Variants in OSGEP observed in about 807,000 individuals in gnomAD.
OSGEP encodes O-sialoglycoprotein endopeptidase, also known as tRNA N6-adenosine threonylcarbamoyltransferase.
In OSGEP, 39 loss-of-function variants were observed where a neutral mutation model predicts 44.1. That is an observed-to-expected ratio of 0.88 (90% CI 0.69 to 1.16). OSGEP has a LOEUF of 1.16. OSGEP is among the 50% of genes most tolerant of loss of function. The pLI is 0.00. For missense variants in OSGEP, 403 were observed against 443.1 expected, an observed-to-expected ratio of 0.91 and a Z score of 0.81; for synonymous variants, 139 against 161.9, an observed-to-expected ratio of 0.86 and a Z score of 1.07.
intron 1 of OSGEP, among the ~76,000 whole-genome samples, chr14:20,453,488 T>C (rs1881162474): frequency 6.6e-6 from 1 of 152,050 alleles, no homozygotes; most frequent in Non-Finnish European, 1.5e-5. Flanking sequence ...TGCCTCAGCC[T>C]CCCAAGTAGC....
At chr14:20,448,709 C>T (rs751966211) in intron 6 of OSGEP, 24 bp downstream of exon 6, 119 of 1,538,974 alleles carry the variant, frequency 7.7e-5, no homozygotes, top group Non-Finnish European at 9.6e-5. Flanking sequence ...TGAAAGTGCC[C>T]GTCTCATCAC....
intron 3 of OSGEP, 169 bp downstream of exon 3, chr14:20,451,805 C>T (rs769332222): frequency 2.3e-5 from 12 of 513,982 alleles, no homozygotes; most frequent in Admixed American, 3.8e-5. Flanking sequence ...ATCATGCTGC[C>T]AAAATTTGCA....
chr14:20,452,708 C>CT lies in OSGEP; in HGVS notation c.116-261dup, dbSNP rs59935464. Among the ~76,000 whole-genome samples the CT allele has an allele frequency of 1.1e-3, 149 of 135,318 alleles. 1 individual carries two copies. Among genetic ancestry groups the CT allele is most frequent in the Admixed American group, 1.7e-3 (24 of 13,732 alleles). The allele number at this position is 135,318 out of a possible 152,430, so 88.8% of individuals were successfully genotyped here. A position where few individuals can be genotyped will look rare whatever the true frequency, so the allele number is the denominator to read the frequency against. ...TATCTACCTCATACCCTTTCGTGAT[C>CT]TTTTTTTTTTTTTTTTCTTTTGAGA... On this transcript the variant is annotated intron_variant, in intron 1 of 10. Transcript: ENST00000206542.
intron 6 of OSGEP, 32 bp downstream of exon 6, chr14:20,448,701 A>G (rs771018147): frequency 1.4e-6 from 2 of 1,474,988 alleles, no homozygotes; most frequent in Non-Finnish European, 1.9e-6. Context: ...AAAAAGCATG[A>G]AAGTGCCCGT....
At chr14:20,451,331 A>G in intron 3 of OSGEP, 1 of 296,868 alleles carries the variant, frequency 3.4e-6, no homozygotes, top group Non-Finnish European at 6.5e-6. Context: ...TTTGAGACGG[A>G]GTTTTGCTCT....
Position 20,447,467 on chromosome 14 carries a change from C to G in OSGEP, c.923G>C (p.Arg308Pro). 1.2e-6 allele frequency: 2 copies of G among 1,614,090 alleles called. No homozygotes were observed. The highest frequency in any genetic ancestry group is 1.1e-5 in the South Asian group (1 of 91,086). ...ACTGAGTGGGGTCCTGTGTCCAGCCCGAAACATCTCCCAGCCAGCCTGGGC... is the reference window on the plus strand; with the variant it reads ...ACTGAGTGGGGTCCTGTGTCCAGCCGGAAACATCTCCCAGCCAGCCTGGGC... ...MIAQAGWEMFRAGHRTPLSDS... is the reference protein window; with the variant it reads ...MIAQAGWEMFPAGHRTPLSDS... Residue 308 changes from arginine (R) to proline (P), a missense_variant, in exon 10 of 11, where the codon CGG (arginine) becomes CCG (proline). Physicochemically the swap from Arg to Pro is moderately radical, Grantham distance 103. Coordinates refer to ENST00000206542, the MANE Select transcript of OSGEP (RefSeq NM_017807.4).
At position 20,447,508 on chromosome 14, in the gene OSGEP, G is replaced by A. The variant is rs1232449023; in HGVS notation, c.882C>T (p.Asp294=). The change falls in exon 10 of 11, where the codon GAC becomes GAT. Residue 294 remains aspartate (D), a synonymous_variant. Transcript: ENST00000206542. ...CAGCCTGGGCTATCATCGCTCCATT[G>A]TCAATACAGAATCTGGGATGCAAGA... ...LFATDERFCI[D]NGAMIAQAGW... The A allele has an allele frequency of 6.2e-7, 1 of 1,613,916 alleles. No individual in the cohort carries two copies. The highest frequency in any genetic ancestry group is 1.3e-5 in the African/African-American group (1 of 74,906).
intron 3 of OSGEP, 125 bp downstream of exon 3, chr14:20,451,849 A>T: frequency 2.3e-6 from 2 of 866,070 alleles, no homozygotes; most frequent in Non-Finnish European, 1.7e-6. Flanking sequence ...TTTCTGGTCT[A>T]CAGTATTTTA....
chr14:20,447,320 T>C, intron 10 of OSGEP, 41 bp from the exon 11 acceptor site: 3 of 1,612,808 alleles, frequency 1.9e-6, no homozygotes, highest in Non-Finnish European at 2.5e-6. Flanking sequence ...AGCGAGCCCT[T>C]AACATCCTTC....
At chr14:20,452,570 T>G in intron 1 of OSGEP, 122 bp from the exon 2 acceptor site, 1 of 856,012 alleles carries the variant, frequency 1.2e-6, no homozygotes, top group Admixed American at 2.4e-5. Context: ...TCCCCAAGCA[T>G]CCTATCTTCC....
At position 20,446,906 on chromosome 14, in the gene OSGEP, G is replaced by A. The variant is rs1313530048; in HGVS notation, c.*334C>T. On this transcript the variant is annotated 3_prime_UTR_variant, in exon 11 of 11. Coordinates refer to ENST00000206542, the MANE Select transcript of OSGEP (RefSeq NM_017807.4). ...TGGTAAGACTGCTTGAGCCCAGTTCGAGACCAGCCTGGGAAACACAGCAAG... is the reference window on the plus strand; with the variant it reads ...TGGTAAGACTGCTTGAGCCCAGTTCAAGACCAGCCTGGGAAACACAGCAAG... The A allele has an allele frequency of 9.8e-6, 3 of 304,908 alleles. No homozygotes were observed. Among genetic ancestry groups the A allele is most frequent in the African/African-American group, 2.2e-5 (1 of 45,874 alleles). 18.9% of individuals were successfully genotyped at this position (304,908 alleles called of 1,614,324 possible).
At chr14:20,448,431 C>T (rs1881014976) in intron 6 of OSGEP, among the ~76,000 whole-genome samples, 1 of 152,204 alleles carries the variant, frequency 6.6e-6, no homozygotes, top group South Asian at 2.1e-4. Flanking sequence ...CTGTACTCAT[C>T]ATCATCTGGC....
intron 6 of OSGEP, among the ~76,000 whole-genome samples, chr14:20,448,394 C>A (rs1257919815): frequency 6.6e-6 from 1 of 152,180 alleles, no homozygotes; most frequent in African/African-American, 2.4e-5. Context: ...ATCTCTCACC[C>A]CTTACTTATC....
intron 3 of OSGEP, chr14:20,451,361 C>T: frequency 7.3e-6 from 2 of 274,886 alleles, no homozygotes; most frequent in South Asian, 3.1e-5. Flanking sequence ...GGCTGGAATG[C>T]AATGGTGCGA....
Position 20,447,705 on chromosome 14 carries a change from G to A in OSGEP, c.794-15C>T. 6.2e-7 allele frequency: 1 copy of A among 1,604,600 alleles called. No homozygotes were observed. Among genetic ancestry groups the A allele is most frequent in the African/African-American group, 1.3e-5 (1 of 74,810 alleles). On this transcript the variant is annotated splice_polypyrimidine_tract_variant and intron_variant, in intron 8 of 10. Transcript: ENST00000206542. ...CCTCACATTACCTACAAAGAGGCAGGGAACAGGATTAGCTTAGTTTTAGCC... is the reference window on the plus strand; with the variant it reads ...CCTCACATTACCTACAAAGAGGCAGAGAACAGGATTAGCTTAGTTTTAGCC...
intron 4 of OSGEP, 32 bp downstream of exon 4, chr14:20,449,139 A>C: frequency 6.4e-7 from 1 of 1,559,800 alleles, no homozygotes; most frequent in Non-Finnish European, 8.8e-7. Context: ...ATTCACCCAC[A>C]TTTTATGTTC....
intron 3 of OSGEP, 70 bp from the exon 4 acceptor site, chr14:20,449,336 C>G: frequency 1.1e-6 from 1 of 932,130 alleles, no homozygotes; most frequent in Non-Finnish European, 1.8e-6. Flanking sequence ...GGGAGAAAAA[C>G]ATAGCAGAGG....
chr14:20,447,899 C>T lies in OSGEP; in HGVS notation c.793+5G>A, dbSNP rs1487883137. ...GAAAGAGGAACACTTTTCAATAATA[C>T]ATACACCCCACTCCTCCCACAATGA... On this transcript the variant is annotated splice_donor_5th_base_variant and intron_variant, in intron 8 of 10. Coordinates refer to ENST00000206542, the MANE Select transcript of OSGEP (RefSeq NM_017807.4). 1.3e-6 allele frequency: 2 copies of T among 1,590,826 alleles called. No homozygotes were observed. Among genetic ancestry groups the T allele is most frequent in the Non-Finnish European group, 1.7e-6 (2 of 1,158,626 alleles).
chr14:20,447,236 C>T lies in OSGEP; in HGVS notation c.*4G>A, dbSNP rs771725275. ...AACTATCTACTCTGATTCTGTTGATCTTATTAGTCCCTCCAGGTCACCTCT... is the reference window on the plus strand; with the variant it reads ...AACTATCTACTCTGATTCTGTTGATTTTATTAGTCCCTCCAGGTCACCTCT... On this transcript the variant is annotated 3_prime_UTR_variant, in exon 11 of 11. Transcript: ENST00000206542. 3 of 1,613,178 alleles carry T rather than the reference C, an allele frequency of 1.9e-6. No individual in the cohort carries two copies. The highest frequency in any genetic ancestry group is 3.3e-5 in the Admixed American group (2 of 60,010).
Sources: allele counts gnomAD v4.1 joint callset (sites outside exome capture counted in the v4.1 genomes callset), GRCh38; gene constraint gnomAD v4.1.1; transcripts MANE v1.5; gene names NCBI Gene and HGNC (gene_info 2026-07-23, HGNC 2026-07-21).